KDM2B: variants seen among roughly 807,000 people sequenced by gnomAD.
The protein encoded by KDM2B is lysine demethylase 2B, also known as lysine-specific demethylase 2B.
A neutral mutation model predicts 150.0 loss-of-function variants in KDM2B; 26 were observed. The observed-to-expected ratio is 0.17, with a 90% CI of 0.13 to 0.24. The LOEUF (loss-of-function observed/expected upper bound fraction) is 0.24, where lower values mean the gene tolerates loss of function less well. Ranked by LOEUF, KDM2B falls within the 10% of genes least tolerant of loss-of-function variation. The pLI is 1.00. For missense variants in KDM2B, 1,265 were observed against 1,816.9 expected, an observed-to-expected ratio of 0.70 and a Z score of 5.52; for synonymous variants, 734 against 729.5, an observed-to-expected ratio of 1.01 and a Z score of -0.10.
At chr12:121,458,540 G>A (rs1401762177) in intron 12 of KDM2B, among the ~76,000 whole-genome samples, 2 of 151,724 alleles carry the variant, frequency 1.3e-5, no homozygotes, top group South Asian at 2.1e-4. Flanking sequence ...GGTGACTCAC[G>A]CCTATAATCC....
At chr12:121,410,399 T>G in the KDM2B span, among the ~76,000 whole-genome samples, 1 of 151,908 alleles carries the variant, frequency 6.6e-6, no homozygotes, top group East Asian at 1.9e-4. Flanking sequence ...TAGCCGGGTG[T>G]GGTGGTGGGT....
intron 4 of KDM2B, among the ~76,000 whole-genome samples, chr12:121,573,777 C>T (rs945032026): frequency 7.3e-5 from 11 of 151,532 alleles, no homozygotes; most frequent in African/African-American, 2.4e-4. Context: ...TTAGTAGAGA[C>T]GGGGTTTCAC....
intron 12 of KDM2B, among the ~76,000 whole-genome samples, chr12:121,457,981 C>T (rs1490572743): frequency 6.6e-6 from 1 of 152,090 alleles, no homozygotes; most frequent in Admixed American, 6.5e-5. Context: ...CTTAGATTAA[C>T]CTAAATTAAA....
At chr12:121,476,774 T>G (rs782026285) in intron 12 of KDM2B, among the ~76,000 whole-genome samples, 169 of 152,252 alleles carry the variant, frequency 1.1e-3, no homozygotes, top group Non-Finnish European at 3.5e-4. Flanking sequence ...GCCTCTCTCT[T>G]CAGTTACCAT....
At chr12:121,448,974 C>T (rs1017251958) in intron 13 of KDM2B, among the ~76,000 whole-genome samples, 1 of 152,158 alleles carries the variant, frequency 6.6e-6, no homozygotes, top group Admixed American at 6.5e-5. Context: ...TGGGCAAGGC[C>T]GCGGGGCCTC....
chr12:121,499,440 A>G (rs1449013271), intron 11 of KDM2B, among the ~76,000 whole-genome samples: 1 of 151,690 alleles, frequency 6.6e-6, no homozygotes, highest in Non-Finnish European at 1.5e-5. Context: ...TTTAATTACA[A>G]TTGTTCTTGG....
the KDM2B span, among the ~76,000 whole-genome samples, chr12:121,415,949 A>G: frequency 2.0e-5 from 3 of 151,602 alleles, no homozygotes; most frequent in Non-Finnish European, 2.9e-5. Context: ...TTTGTTAAAC[A>G]AGAGATCATG....
chr12:121,470,960 A>G (rs1358655838), intron 12 of KDM2B, among the ~76,000 whole-genome samples: 1 of 152,230 alleles, frequency 6.6e-6, no homozygotes, highest in East Asian at 1.9e-4. Context: ...TAGGAAGGCC[A>G]CTGTCCTGAC....
rs1005144986 is a variant in KDM2B, at chr12:121,575,355, T to C, written c.350+426A>G. On this transcript the variant is annotated intron_variant, in intron 3 of 22. Coordinates refer to ENST00000377071, the MANE Select transcript of KDM2B (RefSeq NM_032590.5). This position sits in a 1 kb window ranked among gnomAD's most constrained non-coding sequence, Gnocchi z 4.4. ...AGGGCAGGCAAAGAAAGGGGAGACA[T>C]TGGCACCCCAGGAATCTGCATAAGA... 4.6e-5 allele frequency among the ~76,000 whole-genome samples: 7 copies of C among 152,060 alleles called. No homozygotes were observed. The highest frequency in any genetic ancestry group is 8.8e-5 in the Non-Finnish European group (6 of 68,008).
intron 8 of KDM2B, among the ~76,000 whole-genome samples, chr12:121,522,441 GA>G (rs1886773420): frequency 6.6e-6 from 1 of 151,648 alleles, no homozygotes; most frequent in African/African-American, 2.4e-5. Flanking sequence ...CTTGAACCCG[GA>G]AGGTGAGGTT....
chr12:121,489,440 A>C (rs1883126067), intron 12 of KDM2B, among the ~76,000 whole-genome samples: 1 of 150,450 alleles, frequency 6.6e-6, no homozygotes, highest in African/African-American at 2.4e-5. Flanking sequence ...CGCCCCTGAG[A>C]AGCTTTTATT....
intron 12 of KDM2B, among the ~76,000 whole-genome samples, chr12:121,472,744 G>A (rs1880898853): frequency 6.6e-6 from 1 of 152,140 alleles, no homozygotes; most frequent in Admixed American, 6.6e-5. Context: ...GCTGACCTTA[G>A]AAAGTTACTT....
At chr12:121,556,657 C>A (rs766690220) in intron 4 of KDM2B, among the ~76,000 whole-genome samples, 1 of 152,140 alleles carries the variant, frequency 6.6e-6, no homozygotes, top group Non-Finnish European at 1.5e-5. Flanking sequence ...TTGAGACTAA[C>A]CTGGACAACA....
At chr12:121,472,768 A>G (rs1287012663) in intron 12 of KDM2B, among the ~76,000 whole-genome samples, 1 of 152,070 alleles carries the variant, frequency 6.6e-6, no homozygotes, top group African/African-American at 2.4e-5. Flanking sequence ...TTCTCTATTC[A>G]TTTCCCTATC....
At chr12:121,525,548 G>A (rs782104831) in intron 8 of KDM2B, among the ~76,000 whole-genome samples, 6 of 152,108 alleles carry the variant, frequency 3.9e-5, no homozygotes, top group African/African-American at 1.4e-4. Flanking sequence ...ACCGTGCCAC[G>A]CCAGTACATT....
chr12:121,580,393 G>T, intron 1 of KDM2B: 1 of 1,165,374 alleles, frequency 8.6e-7, no homozygotes, highest in Non-Finnish European at 1.1e-6. Flanking sequence ...AGGAGGTATG[G>T]GGCGGGGAGG....
rs1379619238 is a variant in KDM2B at position 121,522,019 on chromosome 12, G to A, written c.932-919C>T. On this transcript the variant is annotated intron_variant, in intron 8 of 22. Transcript: ENST00000377071. ...AGCTACTCAGGAGGCTGAGGTGGGA[G>A]GATCACTTGAGCTCCAGAGGTTGAA... 5.9e-5 allele frequency among the ~76,000 whole-genome samples: 9 copies of A among 152,094 alleles called. No homozygotes were observed. In the East Asian group the frequency reaches 1.7e-3, roughly 29 times the overall value.
chr12:121,446,515 T>C (rs1876323306), intron 13 of KDM2B, among the ~76,000 whole-genome samples: 1 of 152,226 alleles, frequency 6.6e-6, no homozygotes, highest in Non-Finnish European at 1.5e-5. Flanking sequence ...ATAAGAAGTA[T>C]GCGTAAAGTG....
chr12:121,525,839 G>A (rs2141309153), intron 8 of KDM2B, among the ~76,000 whole-genome samples: 1 of 152,330 alleles, frequency 6.6e-6, no homozygotes, highest in South Asian at 2.1e-4. Flanking sequence ...TAGAATGCAA[G>A]GATGGGAAAT....
Sources: allele counts gnomAD v4.1 joint callset (sites outside exome capture counted in the v4.1 genomes callset), GRCh38; gene constraint gnomAD v4.1.1; non-coding constraint Gnocchi (gnomAD v3.1); transcripts MANE v1.5; gene names NCBI Gene and HGNC (gene_info 2026-07-23, HGNC 2026-07-21).